TBCK: variants seen among roughly 807,000 people sequenced by gnomAD.
The protein encoded by TBCK is TBC domain-containing protein kinase-like protein.
In TBCK, 99 loss-of-function variants were observed where a neutral mutation model predicts 113.4. The observed-to-expected ratio is 0.87, with a 90% CI of 0.74 to 1.03. The LOEUF (loss-of-function observed/expected upper bound fraction) is 1.03, where lower values mean the gene tolerates loss of function less well. Among genes scored for constraint, TBCK ranks in the 50% least tolerant of loss-of-function variants. TBCK has a pLI of 0.00. For missense variants in TBCK, 1,045 were observed against 1,061.3 expected (o/e 0.98, Z 0.21); for synonymous variants, 369 against 370.8 (o/e 1.00, Z 0.05).
chr4:106,292,483 T>C (rs564779487), intron 3 of TBCK, among the ~76,000 whole-genome samples: 70 of 149,410 alleles, frequency 4.7e-4, no homozygotes, highest in African/African-American at 1.6e-3. Flanking sequence ...GGCAGGAGAA[T>C]GGCATGAACC....
chr4:106,233,018 G>T lies in TBCK; in HGVS notation c.1559C>A (p.Ser520Ter). 1 of 1,612,130 alleles carries T rather than the reference G, an allele frequency of 6.2e-7. No individual in the cohort carries two copies. Among genetic ancestry groups the T allele is most frequent in the Non-Finnish European group, 8.5e-7 (1 of 1,178,618 alleles). Residue 520 changes from serine (S) to a stop codon, truncating the protein, a stop_gained, in exon 17 of 26, where the codon TCA (serine) becomes TAA (stop). Transcript: ENST00000394708. LOFTEE classifies it high-confidence loss of function. ...PRCHQYDELL[S>*]SPEGHAKFRR... ...AAATTTTGCATGACCTTCTGGTGAT[G>T]ATAACAGTTCATCGTACTGATGACA...
chr4:106,293,325 T>C (rs1426732038), intron 3 of TBCK, among the ~76,000 whole-genome samples: 1 of 152,188 alleles, frequency 6.6e-6, no homozygotes, highest in Non-Finnish European at 1.5e-5. Context: ...CAGAGCAGAA[T>C]GAACATAAGC....
At chr4:106,168,676 T>C (rs190888399) in intron 23 of TBCK, among the ~76,000 whole-genome samples, 77 of 152,006 alleles carry the variant, frequency 5.1e-4, no homozygotes, top group African/African-American at 1.8e-3. Flanking sequence ...GGTCAAACGC[T>C]TTCCTGTATA....
chr4:106,228,466 G>T (rs576444014), intron 19 of TBCK, among the ~76,000 whole-genome samples: 2 of 151,524 alleles, frequency 1.3e-5, no homozygotes, highest in East Asian at 3.9e-4. Context: ...TTGATTTTCA[G>T]ATCCCACCAA....
chr4:106,278,795 A>AATG (rs1342599077), intron 3 of TBCK, among the ~76,000 whole-genome samples: 1 of 152,062 alleles, frequency 6.6e-6, no homozygotes, highest in African/African-American at 2.4e-5. Flanking sequence ...CCTATCTTAT[A>AATG]TGTGAATGGG....
intron 23 of TBCK, among the ~76,000 whole-genome samples, chr4:106,140,831 G>A (rs1189744906): frequency 2.9e-5 from 4 of 138,956 alleles, no homozygotes; most frequent in East Asian, 2.0e-4. Context: ...GACTTAAACC[G>A]AAAGTTTGGT....
chr4:106,136,527 T>C (rs1366528385), intron 23 of TBCK, among the ~76,000 whole-genome samples: 1 of 141,058 alleles, frequency 7.1e-6, no homozygotes, highest in East Asian at 2.0e-4. Flanking sequence ...CTGTGTGAAA[T>C]TGGGAAGGTA....
chr4:106,270,215 A>G (rs1763354585), intron 3 of TBCK, among the ~76,000 whole-genome samples: 1 of 152,190 alleles, frequency 6.6e-6, no homozygotes, highest in Non-Finnish European at 1.5e-5. Context: ...TTCTCCAACT[A>G]TTCTCCTGAC....
At position 106,235,289 on chromosome 4, in the gene TBCK, C is replaced by G; in HGVS notation, c.1429G>C (p.Ala477Pro). Reference sequence around the variant, plus strand: ...CTTACCTCAACTCCCAGAAGAGCAGCCCAGGTTAAACCTCTCATAAGAGGA... The same window carrying G: ...CTTACCTCAACTCCCAGAAGAGCAGGCCAGGTTAAACCTCTCATAAGAGGA... ...IPPLMRGLTWAALLGVEGAIH... is the reference protein window; with the variant it reads ...IPPLMRGLTWPALLGVEGAIH... The change falls in exon 15 of 26, where the codon GCT becomes CCT. Residue 477 changes from alanine to proline, a missense_variant. Coordinates refer to ENST00000394708, the MANE Select transcript of TBCK (RefSeq NM_001163435.3). The G allele has an allele frequency of 6.2e-7, 1 of 1,606,804 alleles. No individual in the cohort carries two copies. Among genetic ancestry groups the G allele is most frequent in the Non-Finnish European group, 8.5e-7 (1 of 1,177,108 alleles).
chr4:106,244,528 T>TA (rs58634260), intron 11 of TBCK, 98 bp downstream of exon 11: 12,355 of 863,030 alleles, frequency 0.014, 5 homozygotes, highest in African/African-American at 0.022. Context: ...ACAACCAATT[T>TA]AAAAAAAAAA....
Position 106,247,196 on chromosome 4 carries a change from A to T in TBCK, c.874T>A (p.Ser292Thr), listed in dbSNP as rs1373010317. 2.5e-6 allele frequency: 4 copies of T among 1,613,586 alleles called. No homozygotes were observed. The highest frequency in any genetic ancestry group is 3.4e-6 in the Non-Finnish European group (4 of 1,179,698). The change falls in exon 10 of 26, where the codon TCT becomes ACT. Residue 292 changes from serine to threonine, a missense_variant. By Grantham distance (58) the Ser-to-Thr change is moderately conservative. Coordinates refer to ENST00000394708, the MANE Select transcript of TBCK (RefSeq NM_001163435.3). ...GTTAAATCAGCACATCTCAGAGAAG[A>T]TGAAAACAGACTGGCAGGTTTGGTA... The part of the protein sequence containing the change: ...PFTKPASLFS[S>T]SLRCADLTLP...
chr4:106,211,437 C>T (rs1450874875), intron 20 of TBCK, among the ~76,000 whole-genome samples: 2 of 151,932 alleles, frequency 1.3e-5, no homozygotes, highest in East Asian at 3.9e-4. Flanking sequence ...ATAAAATCAT[C>T]TTATTAAATG....
At chr4:106,214,088 G>A (rs970709022) in intron 19 of TBCK, among the ~76,000 whole-genome samples, 1 of 152,120 alleles carries the variant, frequency 6.6e-6, no homozygotes, top group African/African-American at 2.4e-5. Flanking sequence ...TAACTGGGAG[G>A]CACCCTCCAG....
chr4:106,131,437 AC>A (rs1745909004), intron 23 of TBCK, among the ~76,000 whole-genome samples: 1 of 152,018 alleles, frequency 6.6e-6, no homozygotes, highest in Non-Finnish European at 1.5e-5. Flanking sequence ...AGATGGAGAA[AC>A]CCCGTCTCTA....
intron 22 of TBCK, among the ~76,000 whole-genome samples, chr4:106,188,174 G>A (rs929564040): frequency 6.6e-6 from 1 of 152,144 alleles, no homozygotes; most frequent in Non-Finnish European, 1.5e-5. Flanking sequence ...TCAGCCTCAT[G>A]CTGGCTGTTG....
At chr4:106,232,308 T>C (rs912477597) in intron 17 of TBCK, among the ~76,000 whole-genome samples, 4 of 151,796 alleles carry the variant, frequency 2.6e-5, no homozygotes, top group Non-Finnish European at 4.4e-5. Flanking sequence ...TAGGAGGATA[T>C]AGAATAGCTC....
At chr4:106,089,895 G>A (rs977602337) in intron 25 of TBCK, among the ~76,000 whole-genome samples, 6 of 152,212 alleles carry the variant, frequency 3.9e-5, no homozygotes, top group African/African-American at 1.4e-4. Flanking sequence ...TCACAGGTTG[G>A]AGTTGAGTAC....
chr4:106,289,767 C>CAA (rs574557805), intron 3 of TBCK, among the ~76,000 whole-genome samples: 2 of 65,226 alleles, frequency 3.1e-5, no homozygotes, highest in African/African-American at 6.0e-5. Flanking sequence ...GACTCTGTCT[C>CAA]AAAAAAAAAA....
chr4:106,253,631 T>C (rs950626906), intron 5 of TBCK, among the ~76,000 whole-genome samples: 3 of 152,252 alleles, frequency 2.0e-5, no homozygotes, highest in African/African-American at 7.2e-5. Flanking sequence ...ACAGACTTTT[T>C]AATGTTTAAC....
Sources: gnomAD v4.1 joint callset for allele counts (sites outside exome capture counted in the v4.1 genomes callset) on GRCh38, gnomAD v4.1.1 for gene constraint, MANE v1.5 for transcripts, NCBI Gene and HGNC (gene_info 2026-07-23, HGNC 2026-07-21) for gene names.